PDE4D: variants seen among roughly 807,000 people sequenced by gnomAD.
The protein encoded by PDE4D is phosphodiesterase 4D.
A neutral mutation model predicts 87.4 loss-of-function variants in PDE4D; 24 were observed. The ratio of observed to expected loss-of-function variants is 0.27; its 90% CI spans 0.20 to 0.39. The LOEUF is 0.39. Among genes scored for constraint, PDE4D ranks in the 10% least tolerant of loss-of-function variants. PDE4D has a pLI of 1.00. For synonymous variants in PDE4D, 384 were observed against 383.2 expected, an observed-to-expected ratio of 1.00 and a Z score of -0.02; for missense variants, 714 against 1,041.0, an observed-to-expected ratio of 0.69 and a Z score of 4.32.
intron 1 of PDE4D, among the ~76,000 whole-genome samples, chr5:60,319,359 C>A (rs1336475488): frequency 6.6e-6 from 1 of 152,188 alleles, no homozygotes; most frequent in Non-Finnish European, 1.5e-5. Flanking sequence ...GACTTCTCTG[C>A]ATTGGTTATT....
chr5:59,115,287 C>T (rs561723957), intron 5 of PDE4D, among the ~76,000 whole-genome samples: 6 of 152,262 alleles, frequency 3.9e-5, no homozygotes, highest in Non-Finnish European at 5.9e-5. Context: ...AGACAGGATG[C>T]GCTCAGTGTT....
intron 1 of PDE4D, among the ~76,000 whole-genome samples, chr5:59,840,226 G>A (rs536628723): frequency 2.2e-5 from 3 of 139,162 alleles, no homozygotes; most frequent in Admixed American, 7.0e-5. Context: ...AGTTTCACAC[G>A]TGCACTGCCA....
intron 2 of PDE4D, among the ~76,000 whole-genome samples, chr5:59,196,760 G>T (rs934317756): frequency 6.6e-6 from 1 of 152,082 alleles, no homozygotes; most frequent in Admixed American, 6.6e-5. Context: ...TTCAATAGGT[G>T]TATATACTAC....
intron 2 of PDE4D, among the ~76,000 whole-genome samples, chr5:60,165,784 G>T (rs1782837509): frequency 6.6e-6 from 1 of 150,610 alleles, no homozygotes. Flanking sequence ...TACAGGTGAA[G>T]TGGGTCCCTT....
At chr5:60,198,032 G>T (rs1208426717) in intron 1 of PDE4D, among the ~76,000 whole-genome samples, 1 of 112,672 alleles carries the variant, frequency 8.9e-6, no homozygotes, top group East Asian at 2.0e-4. Flanking sequence ...AGTGGGCAAA[G>T]AATTTGGATT....
chr5:59,490,530 A>G (rs1432538224), intron 1 of PDE4D, among the ~76,000 whole-genome samples: 1 of 152,236 alleles, frequency 6.6e-6, no homozygotes, highest in Non-Finnish European at 1.5e-5. Flanking sequence ...CAGTTTCTGA[A>G]CTTAAAAATA....
At chr5:59,090,099 C>T (rs529429549) in intron 5 of PDE4D, among the ~76,000 whole-genome samples, 22 of 152,094 alleles carry the variant, frequency 1.4e-4, no homozygotes, top group East Asian at 5.8e-4. Context: ...CAATTACTTA[C>T]GGGATAAGCA....
intron 1 of PDE4D, among the ~76,000 whole-genome samples, chr5:59,779,108 G>A (rs1410497130): frequency 6.6e-6 from 1 of 151,946 alleles, no homozygotes; most frequent in African/African-American, 2.4e-5. Flanking sequence ...GTTGCAGTGA[G>A]CCGAGATTGC....
rs528169347 is a variant in PDE4D, at chr5:60,153,267, A to C, written c.42+32290T>G. Among the ~76,000 whole-genome samples the C allele has an allele frequency of 1.8e-3, 275 of 152,300 alleles. 2 individuals are homozygous for C. The highest frequency in any genetic ancestry group is 6.3e-3 in the African/African-American group (260 of 41,564). ...AGACATGCAAATGGCTAACATGTAG[A>C]TAAAAAATGTTCAACATCACTAATC... On this transcript the variant is annotated intron_variant, in intron 2 of 16. Coordinates refer to the PDE4D transcript ENST00000502484.
chr5:59,188,491 C>T (rs1287008894), intron 3 of PDE4D, among the ~76,000 whole-genome samples: 1 of 152,100 alleles, frequency 6.6e-6, no homozygotes, highest in African/African-American at 2.4e-5. Flanking sequence ...ATAAGAATCA[C>T]TGAAAATAGC....
rs527384003 is a variant in PDE4D, at chr5:59,537,230, C to A, written c.456-321262G>T. Among the ~76,000 whole-genome samples, 22 of 152,284 alleles carry A rather than the reference C, an allele frequency of 1.4e-4. No individual in the cohort carries two copies. The South Asian group carries it at 4.1e-3, about 29-fold the overall frequency. On this transcript the variant is annotated intron_variant, in intron 1 of 14. Coordinates refer to ENST00000340635, the MANE Select transcript of PDE4D (RefSeq NM_001104631.2). The stretch of plus-strand genomic sequence containing the variant: ...ATAAAACAAGCTTTGACAGCTTTGA[C>A]CAACTCTTAACTGTCTGCCTGTAGT...
chr5:60,101,464 T>C (rs574681491), intron 2 of PDE4D, among the ~76,000 whole-genome samples: 50 of 152,264 alleles, frequency 3.3e-4, no homozygotes, highest in African/African-American at 1.2e-3. Flanking sequence ...ACATCGTTTC[T>C]GAAGTATTTT....
intron 1 of PDE4D, among the ~76,000 whole-genome samples, chr5:59,610,073 C>G (rs1410122600): frequency 1.3e-5 from 2 of 152,134 alleles, no homozygotes; most frequent in Non-Finnish European, 2.9e-5. Context: ...ACATTCATAG[C>G]TGGAACAAAC....
intron 1 of PDE4D, among the ~76,000 whole-genome samples, chr5:59,379,443 G>A (rs984529312): frequency 6.6e-6 from 1 of 151,654 alleles, no homozygotes; most frequent in Non-Finnish European, 1.5e-5. Context: ...TATACCGAGA[G>A]GCAACTTGTA....
intron 1 of PDE4D, among the ~76,000 whole-genome samples, chr5:59,882,451 T>G (rs1749562811): frequency 6.6e-6 from 1 of 152,184 alleles, no homozygotes. Context: ...GAAGCACACC[T>G]GCATACTAGG....
At chr5:59,294,226 A>C (rs1768604625) in intron 1 of PDE4D, among the ~76,000 whole-genome samples, 1 of 152,082 alleles carries the variant, frequency 6.6e-6, no homozygotes, top group South Asian at 2.1e-4. Flanking sequence ...ATTTAAGGGA[A>C]TGAAGAGTAA....
At chr5:59,560,652 G>A (rs1561207996) in intron 1 of PDE4D, among the ~76,000 whole-genome samples, 2 of 152,224 alleles carry the variant, frequency 1.3e-5, no homozygotes, top group Admixed American at 6.5e-5. Flanking sequence ...TCTCAGGTCT[G>A]GGGCCTGGAG....
intron 3 of PDE4D, among the ~76,000 whole-genome samples, chr5:59,967,975 C>CTTTTTT (rs34199262): frequency 1.9e-5 from 1 of 52,686 alleles, no homozygotes; most frequent in Non-Finnish European, 3.4e-5. Flanking sequence ...GAGCCATATG[C>CTTTTTT]TTTTTTTTTT....
chr5:59,152,014 G>T (rs1779547178), intron 5 of PDE4D, among the ~76,000 whole-genome samples: 2 of 152,090 alleles, frequency 1.3e-5, no homozygotes, highest in South Asian at 4.1e-4. Flanking sequence ...CAAATGAACT[G>T]AGATAAAATT....
Sources: gnomAD v4.1 joint callset for allele counts (sites outside exome capture counted in the v4.1 genomes callset) on GRCh38, gnomAD v4.1.1 for gene constraint, MANE v1.5 for transcripts, NCBI Gene and HGNC (gene_info 2026-07-23, HGNC 2026-07-21) for gene names.